CAPN5: variants seen among roughly 807,000 people sequenced by gnomAD.
CAPN5 encodes the protein calpain-5.
In CAPN5, 54 loss-of-function variants were observed where a neutral mutation model predicts 73.0. That is an observed-to-expected ratio of 0.74 (90% CI 0.59 to 0.93). The LOEUF (loss-of-function observed/expected upper bound fraction) is 0.93. CAPN5 is among the 40% of genes least tolerant of loss of function. The pLI is 0.00. For missense variants in CAPN5, 785 were observed against 882.9 expected, an observed-to-expected ratio of 0.89 and a Z score of 1.41; for synonymous variants, 335 against 356.9, an observed-to-expected ratio of 0.94 and a Z score of 0.69.
At chr11:77,109,929 A>G (rs562344620) in intron 3 of CAPN5, among the ~76,000 whole-genome samples, 2 of 152,250 alleles carry the variant, frequency 1.3e-5, no homozygotes, top group East Asian at 1.9e-4. Flanking sequence ...CCTCCCAGCC[A>G]TGGAGTCCAG....
intron 1 of CAPN5, among the ~76,000 whole-genome samples, chr11:77,077,791 A>G (rs184977544): frequency 6.6e-6 from 1 of 152,208 alleles, no homozygotes; most frequent in East Asian, 1.9e-4. Context: ...CTGGGATTAC[A>G]TGCATAAGCC....
intron 3 of CAPN5, among the ~76,000 whole-genome samples, chr11:77,101,237 G>A (rs1382314760): frequency 6.6e-6 from 1 of 152,198 alleles, no homozygotes; most frequent in Admixed American, 6.5e-5. Context: ...GTAATGACAA[G>A]ACACACTTCC....
Position 77,118,947 on chromosome 11 carries a change from G to A in CAPN5, c.1168-83G>A, listed in dbSNP as rs1477155068. On this transcript the variant is annotated intron_variant, in intron 8 of 12. Transcript: ENST00000648180. ...TGCTGTGACTGGTCCAGGCTCTGGA[G>A]TCTGAGCTTCCGGGAGCCAGCCAGC... 2.4e-5 allele frequency: 35 copies of A among 1,488,826 alleles called. No homozygotes were observed. The African/African-American group carries it at 4.9e-4, about 21-fold the overall frequency. The allele number at this position is 1,488,826 out of a possible 1,614,324, so 92.2% of individuals were successfully genotyped here. A position where few individuals can be genotyped will look rare whatever the true frequency, so the allele number is the denominator to read the frequency against.
chr11:77,068,260 C>T (rs1555032479), intron 1 of CAPN5, among the ~76,000 whole-genome samples: 1 of 152,070 alleles, frequency 6.6e-6, no homozygotes, highest in East Asian at 1.9e-4. Context: ...CCAGCTGCTG[C>T]TGCAGGCCAG....
In CAPN5 at chr11:77,120,912, ACTTGGGGGCTGG is replaced by A; in HGVS notation, c.1487+8_1487+19del. The A allele has an allele frequency of 6.2e-7, 1 of 1,610,478 alleles. No individual in the cohort carries two copies. Among genetic ancestry groups the A allele is most frequent in the East Asian group, 2.2e-5 (1 of 44,756 alleles). On this transcript the variant is annotated splice_donor_5th_base_variant and intron_variant, in intron 10 of 12. Coordinates refer to ENST00000648180, the MANE Select transcript of CAPN5 (RefSeq NM_004055.5). ...ACTGATGTGCCCTCCAACTGCCGGT[ACTTGGGGGCTGG>A]CTTGAGGCCAGTGTGGGTGGGAGTG...
At chr11:77,082,758 G>A (rs782394915) in intron 1 of CAPN5, among the ~76,000 whole-genome samples, 16 of 152,148 alleles carry the variant, frequency 1.1e-4, no homozygotes, top group Non-Finnish European at 2.2e-4. Flanking sequence ...TCCCAGCAGC[G>A]TTGGCCCCTT....
chr11:77,123,602 G>A, intron 12 of CAPN5, 86 bp from the exon 13 acceptor site: 1 of 1,175,036 alleles, frequency 8.5e-7, no homozygotes, highest in South Asian at 1.4e-5. Flanking sequence ...TCAAGGCCCT[G>A]CCACCACCAC....
chr11:77,103,015 A>G (rs781859085), intron 3 of CAPN5: 5 of 1,613,636 alleles, frequency 3.1e-6, no homozygotes, highest in Non-Finnish European at 3.4e-6. Flanking sequence ...AACTTCACCC[A>G]GCAGCAGCGG....
intron 3 of CAPN5, chr11:77,103,283 T>A (rs1296200573): frequency 2.7e-5 from 43 of 1,612,772 alleles, no homozygotes; most frequent in Non-Finnish European, 3.6e-5. Flanking sequence ...TTGGCGAGGG[T>A]GTGGAGCCCG....
intron 1 of CAPN5, among the ~76,000 whole-genome samples, chr11:77,081,197 C>A (rs1950024409): frequency 6.6e-6 from 1 of 152,182 alleles, no homozygotes; most frequent in Non-Finnish European, 1.5e-5. Flanking sequence ...AAGCAGGGCC[C>A]AGGTTAGCAC....
Position 77,124,508 on chromosome 11 carries a change from G to GCCTCGCCTCTGTCCTCAGGT in CAPN5, c.*643_*662dup, listed in dbSNP as rs1950554132. 6.5e-6 allele frequency: 1 copy of GCCTCGCCTCTGTCCTCAGGT among 152,754 alleles called. No individual in the cohort carries two copies. Among genetic ancestry groups the GCCTCGCCTCTGTCCTCAGGT allele is most frequent in the Non-Finnish European group, 1.5e-5 (1 of 68,424 alleles). The allele number at this position is 152,754 out of a possible 1,614,324, so 9.5% of individuals were successfully genotyped here. On this transcript the variant is annotated 3_prime_UTR_variant, in exon 13 of 13. Coordinates refer to ENST00000648180, the MANE Select transcript of CAPN5 (RefSeq NM_004055.5). ...GGCCCTACTCCGGCCTCTGCCTTGG[G>GCCTCGCCTCTGTCCTCAGGT]CCTCGCCTCTGTCCTCAGGTCCTCT...
Position 77,116,372 on chromosome 11 carries a change from G to T in CAPN5, c.971+69G>T, listed in dbSNP as rs527456562. On this transcript the variant is annotated intron_variant, in intron 7 of 12. Transcript: ENST00000648180. ...CCCACGGGCCTGGCGGGGAGCACCA[G>T]GTGGGGAGTCAGGAGCCAGGCCTCT... The T allele has an allele frequency of 3.0e-4, 392 of 1,288,030 alleles. 2 individuals are homozygous for T. The highest frequency in any genetic ancestry group is 3.6e-4 in the Non-Finnish European group (324 of 899,062). 79.8% of individuals were successfully genotyped at this position (1,288,030 alleles called of 1,614,324 possible).
At chr11:77,094,572 T>C (rs2135438002) in intron 3 of CAPN5, among the ~76,000 whole-genome samples, 1 of 152,362 alleles carries the variant, frequency 6.6e-6, no homozygotes, top group Non-Finnish European at 1.5e-5. Context: ...AGGGGGACTC[T>C]GGTCATTGCC....
intron 1 of CAPN5, among the ~76,000 whole-genome samples, chr11:77,077,406 G>C (rs1201912255): frequency 6.9e-6 from 1 of 144,742 alleles, no homozygotes; most frequent in Non-Finnish European, 1.5e-5. Flanking sequence ...CATATCTTTT[G>C]TCTTTTTTTA....
At chr11:77,118,066 C>A in intron 7 of CAPN5, 91 bp from the exon 8 acceptor site, 2 of 1,171,668 alleles carry the variant, frequency 1.7e-6, no homozygotes, top group Non-Finnish European at 2.5e-6. Context: ...CACCTCTGGG[C>A]CATATGGACA....
chr11:77,116,095 C>A, intron 6 of CAPN5, 131 bp from the exon 7 acceptor site: 1 of 795,338 alleles, frequency 1.3e-6, no homozygotes, highest in Non-Finnish European at 2.1e-6. Flanking sequence ...CCTCAGTGCC[C>A]CTGGCCACAC....
In CAPN5 at chr11:77,121,919, G is replaced by T; in HGVS notation, c.1488-15G>T. ...CTTCTCCATCACTCCCCTCTCCCCT[G>T]CCGCCCCATATCAGGGAGCTGCGCC... is the stretch of plus-strand genomic sequence containing the variant. On this transcript the variant is annotated splice_polypyrimidine_tract_variant and intron_variant, in intron 10 of 12. Coordinates refer to ENST00000648180, the MANE Select transcript of CAPN5 (RefSeq NM_004055.5). 6.7e-7 allele frequency: 1 copy of T among 1,482,784 alleles called. No homozygotes were observed. The allele number at this position is 1,482,784 out of a possible 1,614,324, so 91.9% of individuals were successfully genotyped here.
At chr11:77,098,496 C>T (rs1337848419) in intron 3 of CAPN5, among the ~76,000 whole-genome samples, 3 of 99,984 alleles carry the variant, frequency 3.0e-5, no homozygotes, top group African/African-American at 1.3e-4. Context: ...GCTGGCCAGG[C>T]GGAGGGCTGA....
intron 1 of CAPN5, among the ~76,000 whole-genome samples, chr11:77,082,032 A>G (rs542207257): frequency 6.6e-6 from 1 of 152,206 alleles, no homozygotes; most frequent in African/African-American, 2.4e-5. Context: ...GGAGCTGGAC[A>G]CAGCCCCTCC....
Sources: allele counts gnomAD v4.1 joint callset (sites outside exome capture counted in the v4.1 genomes callset), GRCh38; gene constraint gnomAD v4.1.1; transcripts MANE v1.5; gene names NCBI Gene and HGNC (gene_info 2026-07-23, HGNC 2026-07-21).